The following CYB5R3 variants were observed in gnomAD, a reference collection of about 807,000 sequenced individuals.
The protein encoded by CYB5R3 is cytochrome b5 reductase 3, also known as NADH-cytochrome b5 reductase 3.
A neutral mutation model predicts 36.5 loss-of-function variants in CYB5R3; 28 were observed. The observed-to-expected ratio is 0.77, with a 90% CI of 0.57 to 1.05. The LOEUF (loss-of-function observed/expected upper bound fraction) is 1.05. CYB5R3 is among the 50% of genes least tolerant of loss of function. The pLI is 0.00. For missense variants in CYB5R3, 474 were observed against 408.9 expected, an observed-to-expected ratio of 1.16 and a Z score of -1.37; for synonymous variants, 181 against 159.8, an observed-to-expected ratio of 1.13 and a Z score of -1.00.
chr22:42,620,046 G>A, intron 8 of CYB5R3, 101 bp from the exon 9 acceptor site: 4 of 1,170,964 alleles, frequency 3.4e-6, no homozygotes, highest in Non-Finnish European at 4.9e-6. Context: ...GCTGAAGAAT[G>A]GAGAGGCTGA....
At chr22:42,631,638 T>A in intron 2 of CYB5R3, 188 bp from the exon 3 acceptor site, 1 of 639,794 alleles carries the variant, frequency 1.6e-6, no homozygotes, top group East Asian at 2.7e-5. Flanking sequence ...GCGTGTGAGG[T>A]GCTGAGGCCA....
intron 3 of CYB5R3, 190 bp from the exon 4 acceptor site, chr22:42,631,178 C>A: frequency 2.7e-6 from 2 of 749,048 alleles, no homozygotes; most frequent in Non-Finnish European, 4.5e-6. Flanking sequence ...GCCTTCACTC[C>A]TGCTGGTGCC....
intron 1 of CYB5R3, among the ~76,000 whole-genome samples, chr22:42,642,381 A>C (rs1929324642): frequency 6.6e-6 from 1 of 152,130 alleles, no homozygotes; most frequent in Admixed American, 6.5e-5. Flanking sequence ...TCCAAGTTCT[A>C]GGATTGCAGG....
At chr22:42,644,444 T>C in intron 1 of CYB5R3, 1 of 781,866 alleles carries the variant, frequency 1.3e-6, no homozygotes, top group Non-Finnish European at 2.2e-6. Context: ...GGCGTTCGCA[T>C]ATGCTCTCCT....
chr22:42,627,446 C>T (rs566643227), intron 6 of CYB5R3, 57 bp from the exon 7 acceptor site: 101 of 1,569,726 alleles, frequency 6.4e-5, no homozygotes, highest in African/African-American at 2.0e-4. Flanking sequence ...TCACAGGCAC[C>T]GCCCCGCCCA....
intron 5 of CYB5R3, 152 bp from the exon 6 acceptor site, chr22:42,627,840 G>T (rs1928371317): frequency 1.4e-6 from 1 of 732,490 alleles, no homozygotes; most frequent in African/African-American, 1.7e-5. Flanking sequence ...GAAGGTGCAG[G>T]AGCAGTGGAG....
intron 5 of CYB5R3, among the ~76,000 whole-genome samples, 194 bp from the exon 6 acceptor site, chr22:42,627,882 T>G (rs1352508423): frequency 1.3e-5 from 2 of 152,144 alleles, no homozygotes; most frequent in African/African-American, 2.4e-5. Flanking sequence ...AGCTCTGTCC[T>G]CTTGCTTGCT....
chr22:42,631,213 C>A, intron 3 of CYB5R3, 165 bp downstream of exon 3: 1 of 786,216 alleles, frequency 1.3e-6, no homozygotes, highest in Non-Finnish European at 2.1e-6. Flanking sequence ...TGGGCCTTCC[C>A]ACTCTCATTC....
chr22:42,621,851 A>G (rs1338934751), intron 8 of CYB5R3, among the ~76,000 whole-genome samples: 3 of 152,382 alleles, frequency 2.0e-5, no homozygotes, highest in Admixed American at 1.3e-4. Context: ...CGCCCATGCC[A>G]TTAGAAACTG....
chr22:42,640,272 C>T (rs1252863008), intron 1 of CYB5R3: 1 of 1,557,972 alleles, frequency 6.4e-7, no homozygotes, highest in Admixed American at 1.9e-5. Flanking sequence ...CAAATGGAGC[C>T]ATGGTTCTGG....
intron 7 of CYB5R3, among the ~76,000 whole-genome samples, chr22:42,624,263 C>T (rs908997631): frequency 1.3e-5 from 2 of 152,178 alleles, no homozygotes; most frequent in African/African-American, 4.8e-5. Context: ...GGGGTCAGCC[C>T]GGGAGCGGGT....
At chr22:42,620,092 A>C in intron 8 of CYB5R3, 147 bp from the exon 9 acceptor site, 1 of 803,432 alleles carries the variant, frequency 1.2e-6, no homozygotes. Context: ...CCTGCCCCCA[A>C]CCCTGACTCA....
intron 1 of CYB5R3, among the ~76,000 whole-genome samples, chr22:42,646,361 A>G (rs1366178020): frequency 1.3e-5 from 2 of 152,070 alleles, no homozygotes. Flanking sequence ...CTAATAACAC[A>G]GAGGGGAAGA....
At chr22:42,626,390 C>G (rs1299535750) in intron 7 of CYB5R3, among the ~76,000 whole-genome samples, 1 of 152,186 alleles carries the variant, frequency 6.6e-6, no homozygotes, top group Non-Finnish European at 1.5e-5. Flanking sequence ...CAAGCCCCTC[C>G]CGGAGCCTGT....
In CYB5R3 at chr22:42,623,771, G is replaced by A; in HGVS notation, c.733+18C>T. The stretch of plus-strand genomic sequence containing the variant: ...CTGGCACCTCCCACCCACCCAGTGA[G>A]GGGCCTCCCTCACTCACCTTCAGGG... On this transcript the variant is annotated intron_variant, in intron 8 of 8. Transcript: ENST00000352397. 1 of 1,609,514 alleles carries A rather than the reference G, an allele frequency of 6.2e-7. No individual in the cohort carries two copies. The highest frequency in any genetic ancestry group is 1.1e-5 in the South Asian group (1 of 90,974).
intron 2 of CYB5R3, among the ~76,000 whole-genome samples, chr22:42,635,488 C>T (rs551610236): frequency 1.5e-4 from 23 of 151,678 alleles, no homozygotes; most frequent in African/African-American, 5.3e-4. Flanking sequence ...GATCCACCGG[C>T]CTCGGCCTCC....
chr22:42,639,823 G>T, intron 1 of CYB5R3: 1 of 988,410 alleles, frequency 1.0e-6, no homozygotes, highest in Non-Finnish European at 1.4e-6. Flanking sequence ...CTTGAACATG[G>T]GTTGGAACTG....
intron 1 of CYB5R3, among the ~76,000 whole-genome samples, chr22:42,638,212 A>G (rs544546153): frequency 1.8e-3 from 281 of 152,196 alleles, no homozygotes; most frequent in African/African-American, 6.7e-3. Flanking sequence ...CCTGGCCAAC[A>G]GGGTAAAACC....
At chr22:42,638,486 T>C (rs895007659) in intron 1 of CYB5R3, among the ~76,000 whole-genome samples, 1 of 146,796 alleles carries the variant, frequency 6.8e-6, no homozygotes, top group Non-Finnish European at 1.5e-5. Context: ...AGAAGATTGC[T>C]TGAGCCCAGT....
Sources: gnomAD v4.1 joint callset for allele counts (sites outside exome capture counted in the v4.1 genomes callset) on GRCh38, gnomAD v4.1.1 for gene constraint, MANE v1.5 for transcripts, NCBI Gene and HGNC (gene_info 2026-07-23, HGNC 2026-07-21) for gene names.